OR6A2: variants seen among roughly 807,000 people sequenced by gnomAD.
The protein encoded by OR6A2 is olfactory receptor 6A2.
A neutral mutation model predicts 7.1 loss-of-function variants in OR6A2; 6 were observed. That is an observed-to-expected ratio of 0.85 (90% confidence interval 0.46 to 1.68). The LOEUF is 1.68. Ranked by LOEUF, OR6A2 falls within the 40% of genes most tolerant of loss-of-function variation. The pLI is 0.01. For missense variants in OR6A2, 431 were observed against 398.0 expected, an observed-to-expected ratio of 1.08 and a Z score of -0.71; for synonymous variants, 162 against 152.1, an observed-to-expected ratio of 1.06 and a Z score of -0.48.
In OR6A2 at chr11:6,795,595, C is replaced by G. The variant is rs752637807; in HGVS notation, c.114G>C (p.Leu38Phe). 6.2e-7 allele frequency: 1 copy of G among 1,614,004 alleles called. No individual in the cohort carries two copies. The change falls in exon 2 of 2, where the codon TTG becomes TTC. Residue 38 changes from leucine (L) to phenylalanine (F), a missense_variant. Transcript: ENST00000641196. ...LFALLLLAYV[L>F]VLTENTLIIM... ...TGATGAGTGTGTTCTCAGTCAGCAC[C>G]AACACATAGGCCAGCAGCAAAAGGG...
At chr11:6,798,877 G>C (rs961726816) in intron 1 of OR6A2, among the ~76,000 whole-genome samples, 1 of 152,122 alleles carries the variant, frequency 6.6e-6, no homozygotes, top group African/African-American at 2.4e-5. Flanking sequence ...AGTAGTTCCT[G>C]TTATAAGGTT....
Position 6,795,580 on chromosome 11 carries a change from G to C in OR6A2, c.129C>G (p.Asn43Lys). 6.2e-7 allele frequency: 1 copy of C among 1,614,066 alleles called. No individual in the cohort carries two copies. Among genetic ancestry groups the C allele is most frequent in the Non-Finnish European group, 8.5e-7 (1 of 1,179,998 alleles). ...LLAYVLVLTENTLIIMAIRNH... is the reference protein window; with the variant it reads ...LLAYVLVLTEKTLIIMAIRNH... ...TCCTAATTGCCATAATGATGAGTGT[G>C]TTCTCAGTCAGCACCAACACATAGG... The change falls in exon 2 of 2, where the codon AAC (asparagine) becomes AAG (lysine). Residue 43 changes from asparagine to lysine, a missense_variant. Asn to Lys is a moderately conservative substitution (Grantham distance 94). Coordinates refer to ENST00000641196, the MANE Select transcript of OR6A2 (RefSeq NM_003696.3).
At position 6,795,594 on chromosome 11, in the gene OR6A2, C is replaced by T; in HGVS notation, c.115G>A (p.Val39Met). 6.2e-7 allele frequency: 1 copy of T among 1,614,046 alleles called. No homozygotes were observed. Among genetic ancestry groups the T allele is most frequent in the Non-Finnish European group, 8.5e-7 (1 of 1,179,992 alleles). ...FALLLLAYVL[V>M]LTENTLIIMA... ...ATGATGAGTGTGTTCTCAGTCAGCA[C>T]CAACACATAGGCCAGCAGCAAAAGG... Residue 39 changes from valine (V) to methionine (M), a missense_variant, in exon 2 of 2, where the codon GTG becomes ATG. Physicochemically the swap from Val to Met is conservative, Grantham distance 21. Coordinates refer to ENST00000641196, the MANE Select transcript of OR6A2 (RefSeq NM_003696.3).
chr11:6,796,678 T>C, intron 1 of OR6A2, among the ~76,000 whole-genome samples: 1 of 152,208 alleles, frequency 6.6e-6, no homozygotes, highest in Non-Finnish European at 1.5e-5. Context: ...GTATCTTCCT[T>C]TAACATTAAG....
At position 6,795,606 on chromosome 11, in the gene OR6A2, C is replaced by A; in HGVS notation, c.103G>T (p.Ala35Ser). The A allele has an allele frequency of 6.2e-7, 1 of 1,614,040 alleles. No individual in the cohort carries two copies. The highest frequency in any genetic ancestry group is 8.5e-7 in the Non-Finnish European group (1 of 1,179,980). Residue 35 changes from alanine (A) to serine (S), a missense_variant, in exon 2 of 2, where the codon GCC becomes TCC. Coordinates refer to ENST00000641196, the MANE Select transcript of OR6A2 (RefSeq NM_003696.3). ...QVLLFALLLLAYVLVLTENTL... is the reference protein window; with the variant it reads ...QVLLFALLLLSYVLVLTENTL... ...TTCTCAGTCAGCACCAACACATAGG[C>A]CAGCAGCAAAAGGGCAAACAATAGT...
rs757967236 is a variant in OR6A2, at chr11:6,795,364, A to C, written c.345T>G (p.Thr115=). ...CCATAACAGCGAGAAGGACACACTC[A>C]GTGCAGCCCAAGCCAAGGAAAAAGT... ...QLYFFLGLGC[T]ECVLLAVMAY... is the part of the protein sequence containing the mutation. Residue 115 remains threonine (T), a synonymous_variant, in exon 2 of 2, where the codon ACT becomes ACG. Coordinates refer to ENST00000641196, the MANE Select transcript of OR6A2 (RefSeq NM_003696.3). The C allele has an allele frequency of 2.4e-5, 38 of 1,614,122 alleles. No individual in the cohort carries two copies. Among genetic ancestry groups the C allele is most frequent in the Non-Finnish European group, 3.0e-5 (35 of 1,180,014 alleles).
At position 6,794,459 on chromosome 11, in the gene OR6A2, C is replaced by A; in HGVS notation, c.*266G>T. ...AAGCCTGTGCTTCCTTGATTGGAACCTTGTCTATGCAAATTACAAAGGGAC... is the reference window on the plus strand; with the variant it reads ...AAGCCTGTGCTTCCTTGATTGGAACATTGTCTATGCAAATTACAAAGGGAC... On this transcript the variant is annotated 3_prime_UTR_variant, in exon 2 of 2. Transcript: ENST00000641196. 2.4e-6 allele frequency: 1 copy of A among 420,798 alleles called. No homozygotes were observed. Among genetic ancestry groups the A allele is most frequent in the East Asian group, 3.7e-5 (1 of 26,784 alleles). 26.1% of individuals were successfully genotyped at this position (420,798 alleles called of 1,614,324 possible).
intron 1 of OR6A2, 88 bp from the exon 2 acceptor site, chr11:6,795,972 T>A (rs1216535772): frequency 5.3e-6 from 2 of 375,400 alleles, no homozygotes; most frequent in Non-Finnish European, 9.6e-6. Flanking sequence ...GAAGCATGCA[T>A]TGAGATGCAC....
At position 6,795,534 on chromosome 11, in the gene OR6A2, G is replaced by A. The variant is rs746000633; in HGVS notation, c.175C>T (p.Pro59Ser). 34 of 1,614,076 alleles carry A rather than the reference G, an allele frequency of 2.1e-5. No individual in the cohort carries two copies. The East Asian group carries it at 6.9e-4, about 33-fold the overall frequency. ...AIRNHSTLHK[P>S]MYFFLANMSF... ...ATATTAGCTAGAAAAAAGTACATGG[G>A]TTTGTGGAGGGTAGAATGGTTCCTA... Residue 59 changes from proline (P) to serine (S), a missense_variant, in exon 2 of 2, where the codon CCC becomes TCC. By Grantham distance (74) the Pro-to-Ser change is moderately conservative. Coordinates refer to ENST00000641196, the MANE Select transcript of OR6A2 (RefSeq NM_003696.3).
At position 6,791,799 on chromosome 11, in the gene OR6A2, T is replaced by C. The variant is rs1027556533; in HGVS notation, c.*2926A>G. 1.3e-5 allele frequency: 2 copies of C among 152,218 alleles called. No homozygotes were observed. The highest frequency in any genetic ancestry group is 6.5e-5 in the Admixed American group (1 of 15,282). The allele number at this position is 152,218 out of a possible 1,614,324, so 9.4% of individuals were successfully genotyped here. A position where few individuals can be genotyped will look rare whatever the true frequency, so the allele number is the denominator to read the frequency against. ...CTAAATTTTGGAACAATATTAGGCT[T>C]ACAGAAAAATTGCAAAGATGCTAAA... On this transcript the variant is annotated 3_prime_UTR_variant, in exon 2 of 2. Transcript: ENST00000641196.
chr11:6,797,731 C>T (rs144624543), intron 1 of OR6A2, among the ~76,000 whole-genome samples: 7 of 152,286 alleles, frequency 4.6e-5, no homozygotes, highest in African/African-American at 1.7e-4. Context: ...ATCATTTAGC[C>T]TACAGGTACA....
At position 6,795,098 on chromosome 11, in the gene OR6A2, T is replaced by C. The variant is rs1295676551; in HGVS notation, c.611A>G (p.Asp204Gly). The C allele has an allele frequency of 1.9e-6, 3 of 1,608,622 alleles. No homozygotes were observed. The highest frequency in any genetic ancestry group is 2.6e-6 in the Non-Finnish European group (3 of 1,175,300). ...AAGAATAAAAATGGCCAGGATGAAA[T>C]CTGTAAGCTCTGCTGTGGACATATC... Reference protein sequence around the residue: ...CTDMSTAELTDFILAIFILLG... With the variant: ...CTDMSTAELTGFILAIFILLG... The change falls in exon 2 of 2, where the codon GAT becomes GGT. Residue 204 changes from aspartate to glycine, a missense_variant. Asp to Gly is a moderately conservative substitution (Grantham distance 94). Transcript: ENST00000641196.
chr11:6,797,838 G>A (rs770528168), intron 1 of OR6A2, among the ~76,000 whole-genome samples: 16 of 152,076 alleles, frequency 1.1e-4, no homozygotes, highest in Non-Finnish European at 2.1e-4. Flanking sequence ...AGCTCTCAGC[G>A]CACACCATGT....
intron 1 of OR6A2, 26 bp from the exon 2 acceptor site, chr11:6,795,910 GTTTT>G: frequency 9.0e-6 from 4 of 446,338 alleles, no homozygotes; most frequent in Non-Finnish European, 1.2e-5. Flanking sequence ...AAAAATAAAT[GTTTT>G]TTTTTTTTTG....
At chr11:6,797,830 C>G (rs1428546582) in intron 1 of OR6A2, among the ~76,000 whole-genome samples, 1 of 152,214 alleles carries the variant, frequency 6.6e-6, no homozygotes, top group African/African-American at 2.4e-5. Context: ...TACCTTGCAG[C>G]TCTCAGCGCA....
Position 6,795,791 on chromosome 11 carries a change from T to C in OR6A2, c.-83A>G, listed in dbSNP as rs111761739. The C allele has an allele frequency of 7.6e-6, 10 of 1,308,094 alleles. No individual in the cohort carries two copies. Among genetic ancestry groups the C allele is most frequent in the African/African-American group, 5.8e-5 (4 of 68,532 alleles). 81.0% of individuals were successfully genotyped at this position (1,308,094 alleles called of 1,614,324 possible). On this transcript the variant is annotated 5_prime_UTR_variant, in exon 2 of 2. Coordinates refer to ENST00000641196, the MANE Select transcript of OR6A2 (RefSeq NM_003696.3). ...CACAACAAGAACCCAGCCTTTCTCT[T>C]AATGGGCTTATATTGGTCGAATACC...
In OR6A2 at chr11:6,794,897, GAGAGT is replaced by G; in HGVS notation, c.807_811del (p.Leu270SerfsTer3). On this transcript the variant is annotated frameshift_variant, in exon 2 of 2. Coordinates refer to ENST00000641196, the MANE Select transcript of OR6A2 (RefSeq NM_003696.3). LOFTEE classifies it high-confidence loss of function. The stretch of plus-strand genomic sequence containing the variant: ...GACCAACTTGTTGGTGTCAAAAGCT[GAGAGT>G]GCCTTTGGCCGAGCATAGATGAAGA... The G allele has an allele frequency of 2.5e-6, 4 of 1,614,128 alleles. No individual in the cohort carries two copies. The highest frequency in any genetic ancestry group is 3.4e-6 in the Non-Finnish European group (4 of 1,179,994).
rs1564904525 is a variant in OR6A2 at position 6,794,828 on chromosome 11, A to G, written c.881T>C (p.Ile294Thr). ...AVIVPLLNPI[I>T]YCLRNQEVKR... is the part of the protein sequence containing the mutation. Reference sequence around the variant, plus strand: ...GACCTCTTGATTGCGCAGGCAGTAAATGATGGGATTGAGCAATGGTACAAT... The same window carrying G: ...GACCTCTTGATTGCGCAGGCAGTAAGTGATGGGATTGAGCAATGGTACAAT... The change falls in exon 2 of 2, where the codon ATT (isoleucine) becomes ACT (threonine). Residue 294 changes from isoleucine (I) to threonine (T), a missense_variant. Ile to Thr is a moderately conservative substitution (Grantham distance 89). Coordinates refer to ENST00000641196, the MANE Select transcript of OR6A2 (RefSeq NM_003696.3). The G allele has an allele frequency of 1.9e-6, 3 of 1,614,162 alleles. No individual in the cohort carries two copies. In the Admixed American group the frequency reaches 5.0e-5, roughly 27 times the overall value.
chr11:6,798,505 C>A (rs926768593), intron 1 of OR6A2, among the ~76,000 whole-genome samples: 9 of 152,098 alleles, frequency 5.9e-5, no homozygotes, highest in Non-Finnish European at 1.3e-4. Context: ...TTTCCTCCAG[C>A]CTGTACCCTC....
Sources: gnomAD v4.1 joint callset for allele counts (sites outside exome capture counted in the v4.1 genomes callset) on GRCh38, gnomAD v4.1.1 for gene constraint, MANE v1.5 for transcripts, NCBI Gene and HGNC (gene_info 2026-07-23, HGNC 2026-07-21) for gene names.